The following BABAM2 variants were observed in gnomAD, a reference collection of about 807,000 sequenced individuals.
BABAM2 encodes BRISC and BRCA1 A complex member 2, also known as BRISC and BRCA1-A complex member 2.
Under a neutral mutation model 54.7 loss-of-function variants are expected in BABAM2, and 31 were observed. The ratio of observed to expected loss-of-function variants is 0.57; its 90% CI spans 0.43 to 0.77. The LOEUF (loss-of-function observed/expected upper bound fraction) is 0.77, where lower values mean the gene tolerates loss of function less well. BABAM2 is among the 30% of genes least tolerant of loss of function. The pLI, the probability that BABAM2 is intolerant of heterozygous loss-of-function variation, is 0.00. For missense variants in BABAM2, 364 were observed against 455.8 expected (o/e 0.80, Z 1.83); for synonymous variants, 167 against 162.9 (o/e 1.03, Z -0.19).
intron 10 of BABAM2, among the ~76,000 whole-genome samples, chr2:28,256,612 A>T (rs994084172): frequency 5.3e-5 from 8 of 151,750 alleles, no homozygotes; most frequent in African/African-American, 1.9e-4. Flanking sequence ...GTCATGCATG[A>T]TATTAGTGGA....
intron 6 of BABAM2, among the ~76,000 whole-genome samples, chr2:28,111,070 G>C (rs549849096): frequency 6.6e-6 from 1 of 150,714 alleles, no homozygotes; most frequent in Non-Finnish European, 1.5e-5. Flanking sequence ...CTGGGTTCAA[G>C]CAGTTCTCCT....
chr2:27,925,713 G>C (rs1274963252), intron 2 of BABAM2, among the ~76,000 whole-genome samples: 2 of 152,152 alleles, frequency 1.3e-5, no homozygotes, highest in Admixed American at 1.3e-4. Flanking sequence ...ACCACACCCT[G>C]AAACACTCCT....
chr2:28,150,951 A>T (rs77560898), intron 7 of BABAM2, among the ~76,000 whole-genome samples: 10,850 of 152,292 alleles, frequency 0.071, 447 homozygotes, highest in East Asian at 0.15. Flanking sequence ...TGATAGTTTG[A>T]TAGGGAACCT....
At chr2:28,005,230 A>C (rs1439065449) in intron 4 of BABAM2, among the ~76,000 whole-genome samples, 3 of 152,158 alleles carry the variant, frequency 2.0e-5, no homozygotes, top group Admixed American at 2.0e-4. Context: ...GTTCATAGTG[A>C]ATACATCATA....
intron 11 of BABAM2, among the ~76,000 whole-genome samples, chr2:28,317,408 A>G (rs1420481081): frequency 6.6e-6 from 1 of 152,182 alleles, no homozygotes; most frequent in Admixed American, 6.5e-5. Context: ...GACTAGAAAA[A>G]TTATCTGGCT....
At chr2:28,241,867 T>C (rs1228840866) in intron 9 of BABAM2, among the ~76,000 whole-genome samples, 1 of 98,030 alleles carries the variant, frequency 1.0e-5, no homozygotes, top group African/African-American at 3.7e-5. Flanking sequence ...AGGATCCCTT[T>C]TTTTTTTTTT....
At position 28,273,645 on chromosome 2, in the gene BABAM2, G is replaced by C. The variant is rs553561457; in HGVS notation, c.935-24693G>C. 3.1e-4 allele frequency among the ~76,000 whole-genome samples: 47 copies of C among 152,234 alleles called. 1 individual carries two copies. In the East Asian group the frequency reaches 8.7e-3, roughly 28 times the overall value. On this transcript the variant is annotated intron_variant, in intron 10 of 11. Transcript: ENST00000379624. ...GAGGTACGAGAATTGCTTGAACCTGGGAGGCAGAGGTTGCAGTGAGCCGAG... is the reference window on the plus strand; with the variant it reads ...GAGGTACGAGAATTGCTTGAACCTGCGAGGCAGAGGTTGCAGTGAGCCGAG...
chr2:28,054,610 G>A (rs947979199), intron 6 of BABAM2, among the ~76,000 whole-genome samples: 3 of 152,190 alleles, frequency 2.0e-5, no homozygotes, highest in Admixed American at 6.5e-5. Flanking sequence ...AGGGCTAACA[G>A]GCCTGAGGAC....
At chr2:28,114,402 T>G (rs1362430989) in intron 6 of BABAM2, among the ~76,000 whole-genome samples, 1 of 152,236 alleles carries the variant, frequency 6.6e-6, no homozygotes, top group Non-Finnish European at 1.5e-5. Context: ...GAATTCATTC[T>G]CGGTATATAG....
chr2:28,242,357 G>A (rs1434206899), intron 9 of BABAM2, among the ~76,000 whole-genome samples: 1 of 152,210 alleles, frequency 6.6e-6, no homozygotes. Flanking sequence ...CTGTGCCTTT[G>A]CCCTTTCCTT....
At chr2:27,992,939 T>C (rs1175380049) in intron 4 of BABAM2, among the ~76,000 whole-genome samples, 4 of 152,192 alleles carry the variant, frequency 2.6e-5, no homozygotes, top group Admixed American at 2.0e-4. Flanking sequence ...TGAAGTGTCA[T>C]TATATCAGAG....
intron 3 of BABAM2, among the ~76,000 whole-genome samples, chr2:27,959,021 T>A (rs1282533475): frequency 6.6e-6 from 1 of 152,216 alleles, no homozygotes; most frequent in East Asian, 1.9e-4. Context: ...AGATTTTAAG[T>A]GCTTTCTTGA....
At chr2:28,129,467 A>G (rs973718672) in intron 7 of BABAM2, 87 bp downstream of exon 7, 11 of 1,158,506 alleles carry the variant, frequency 9.5e-6, no homozygotes, top group Admixed American at 3.9e-5. Flanking sequence ...TTGAACTCTT[A>G]CATTTATTTC....
chr2:27,990,574 A>G (rs1023054455), intron 4 of BABAM2, among the ~76,000 whole-genome samples: 2 of 152,168 alleles, frequency 1.3e-5, no homozygotes, highest in African/African-American at 4.8e-5. Context: ...GAAGGGCATG[A>G]GTATATACCC....
rs535180971 is a variant in BABAM2 at position 27,917,693 on chromosome 2, G to A, written c.129-12139G>A. 5.3e-5 allele frequency among the ~76,000 whole-genome samples: 8 copies of A among 152,158 alleles called. No homozygotes were observed. In the South Asian group the frequency reaches 8.3e-4, roughly 16 times the overall value. On this transcript the variant is annotated intron_variant, in intron 2 of 11. Coordinates refer to ENST00000379624, the MANE Select transcript of BABAM2 (RefSeq NM_199191.3). ...AATTTTGAGGGGCCACTAACATTCA[G>A]TCTATAGCACACCCCAAATTATTTT...
At chr2:28,163,289 T>C (rs1483027254) in intron 7 of BABAM2, among the ~76,000 whole-genome samples, 1 of 152,112 alleles carries the variant, frequency 6.6e-6, no homozygotes, top group Non-Finnish European at 1.5e-5. Flanking sequence ...CAGGATCAGC[T>C]TGAGAATTAG....
intron 7 of BABAM2, among the ~76,000 whole-genome samples, chr2:28,189,199 CAA>C (rs78120565): frequency 1.5e-4 from 20 of 136,446 alleles, no homozygotes; most frequent in Admixed American, 1.5e-4. Context: ...GACTCCCTCT[CAA>C]AAAAAAAAAA....
intron 4 of BABAM2, 113 bp from the exon 5 acceptor site, chr2:28,025,113 G>C: frequency 2.0e-6 from 2 of 985,966 alleles, no homozygotes; most frequent in Non-Finnish European, 2.9e-6. Context: ...GGAGTAGTCT[G>C]TTCCTCTTAG....
intron 7 of BABAM2, among the ~76,000 whole-genome samples, chr2:28,179,166 C>G (rs2147876402): frequency 6.6e-6 from 1 of 152,158 alleles, no homozygotes; most frequent in Admixed American, 6.5e-5. Flanking sequence ...GATACCAAAA[C>G]CAGACAAGAA....
Sources: gnomAD v4.1 joint callset for allele counts (sites outside exome capture counted in the v4.1 genomes callset) on GRCh38, gnomAD v4.1.1 for gene constraint, MANE v1.5 for transcripts, NCBI Gene and HGNC (gene_info 2026-07-23, HGNC 2026-07-21) for gene names.